Variants in RUVBL2 observed in about 807,000 individuals in gnomAD.
RUVBL2 encodes the protein RuvB like AAA ATPase 2.
Under a neutral mutation model 57.9 loss-of-function variants are expected in RUVBL2, and 9 were observed. The ratio of observed to expected loss-of-function variants is 0.16; its 90% CI spans 0.09 to 0.27. The LOEUF (loss-of-function observed/expected upper bound fraction) is 0.27, where lower values mean the gene tolerates loss of function less well. Among genes scored for constraint, RUVBL2 ranks in the 10% least tolerant of loss-of-function variants. The probability of loss-of-function intolerance (pLI) is 1.00; values close to 1 mark genes in which losing one functional copy is unlikely to be tolerated. For missense variants in RUVBL2, 456 were observed against 669.6 expected, an observed-to-expected ratio of 0.68 and a Z score of 3.52; for synonymous variants, 278 against 264.6, an observed-to-expected ratio of 1.05 and a Z score of -0.49.
intron 14 of RUVBL2, 54 bp from the exon 15 acceptor site, chr19:49,015,763 T>C: frequency 6.2e-7 from 1 of 1,613,254 alleles, no homozygotes; most frequent in Non-Finnish European, 8.5e-7. Context: ...CGTAGAAGGC[T>C]CAGGCCCTGC....
At chr19:49,010,186 A>G in intron 8 of RUVBL2, 120 bp downstream of exon 8, 1 of 967,746 alleles carries the variant, frequency 1.0e-6, no homozygotes, top group Admixed American at 2.0e-5. Flanking sequence ...TTGTCCTGGT[A>G]CTCCTGGGTC....
upstream of RUVBL2, chr19:48,993,741 G>T: frequency 2.5e-6 from 2 of 797,512 alleles, no homozygotes; most frequent in Non-Finnish European, 2.0e-6. Context: ...GTCTTCCAGC[G>T]CAGCCTCGGT....
chr19:49,010,131 C>G (rs894982107), intron 8 of RUVBL2, 65 bp downstream of exon 8: 2 of 1,395,506 alleles, frequency 1.4e-6, no homozygotes, highest in South Asian at 1.2e-5. Context: ...TCCTCCATCA[C>G]CCCCTTGACC....
chr19:49,000,556 CAATA>C (rs200018570), intron 2 of RUVBL2, among the ~76,000 whole-genome samples: 2 of 148,796 alleles, frequency 1.3e-5, no homozygotes, highest in South Asian at 2.1e-4. Context: ...CTCTGTCTCT[CAATA>C]AATAAATAAA....
Position 49,011,022 on chromosome 19 carries a change from G to A in RUVBL2, c.811G>A (p.Glu271Lys), listed in dbSNP as rs1439294261. Residue 271 changes from glutamate to lysine, a missense_variant, in exon 10 of 15, where the codon GAA (glutamate) becomes AAA (lysine). Around this residue, in one of 5 missense-constraint regions of RUVBL2, gnomAD observed 130 missense variants for 243.0 expected, o/e 0.53. Transcript: ENST00000595090. The surrounding 1 kb of genome is among the most constrained non-coding windows in gnomAD (Gnocchi z 4.4). ...AGGTGACACAGGGGAGATCAAGTCAGAAGTCCGTGAGCAGATCAATGCCAA... is the reference window on the plus strand; with the variant it reads ...AGGTGACACAGGGGAGATCAAGTCAAAAGTCCGTGAGCAGATCAATGCCAA... ...FSGDTGEIKS[E>K]VREQINAKVA... 1 of 1,612,642 alleles carries A rather than the reference G, an allele frequency of 6.2e-7. No homozygotes were observed. The highest frequency in any genetic ancestry group is 2.2e-5 in the East Asian group (1 of 44,828).
rs576098024 is a variant in RUVBL2, at chr19:49,000,477, C to T, written c.67+1104C>T. Among the ~76,000 whole-genome samples the T allele has an allele frequency of 5.3e-5, 8 of 152,158 alleles. No individual in the cohort carries two copies. In the East Asian group the frequency reaches 1.2e-3, roughly 22 times the overall value. On this transcript the variant is annotated intron_variant, in intron 2 of 14. Coordinates refer to ENST00000595090, the MANE Select transcript of RUVBL2 (RefSeq NM_006666.3). ...GGCTGAGGCAGGAAAATTGCTTGAACGAGGAGGTGGAGGTTGCAGTGAGCC... is the reference window on the plus strand; with the variant it reads ...GGCTGAGGCAGGAAAATTGCTTGAATGAGGAGGTGGAGGTTGCAGTGAGCC...
chr19:49,006,874 G>A, intron 4 of RUVBL2, 144 bp from the exon 5 acceptor site: 4 of 1,069,788 alleles, frequency 3.7e-6, no homozygotes, highest in Non-Finnish European at 5.3e-6. Flanking sequence ...CCAGCGCTCT[G>A]CTCAGCTCGG....
At chr19:48,997,628 CAA>C (rs34730869) in intron 1 of RUVBL2, among the ~76,000 whole-genome samples, 11,725 of 108,642 alleles carry the variant, frequency 0.11, 464 homozygotes, top group Middle Eastern at 0.18. Context: ...GACTATGTCT[CAA>C]AAAAAAAAAA....
chr19:49,015,995 C>T (rs1252568176), downstream of RUVBL2: 16 of 1,614,170 alleles, frequency 9.9e-6, no homozygotes, highest in African/African-American at 1.3e-5. Flanking sequence ...ATTGAGAAGC[C>T]TTTATTGTGG....
intron 11 of RUVBL2, among the ~76,000 whole-genome samples, chr19:49,013,384 C>CTT (rs141543194): frequency 6.8e-6 from 1 of 147,646 alleles, no homozygotes; most frequent in Non-Finnish European, 1.5e-5. Context: ...TTTTTTGTGC[C>CTT]TTTTTTTTTT....
At chr19:49,010,939 C>T (rs1181231449) in intron 9 of RUVBL2, 60 bp from the exon 10 acceptor site, 8 of 1,442,684 alleles carry the variant, frequency 5.5e-6, no homozygotes, top group Middle Eastern at 1.7e-4. Context: ...CTTAGCCACA[C>T]TCTGGCCCTG....
Position 48,993,935 on chromosome 19 carries a change from T to G in RUVBL2, c.12+12T>G, listed in dbSNP as rs1454280625. 2 of 1,613,310 alleles carry G rather than the reference T, an allele frequency of 1.2e-6. No individual in the cohort carries two copies. Among genetic ancestry groups the G allele is most frequent in the Non-Finnish European group, 1.7e-6 (2 of 1,179,866 alleles). ...TCATGGCAACCGTTGTAAGTGTGGG[T>G]GCATGGAGGGTGAGGAGCGAGCTAG... On this transcript the variant is annotated intron_variant, in intron 1 of 14. Transcript: ENST00000595090.
At chr19:49,003,657 G>A (rs568901598) in intron 3 of RUVBL2, among the ~76,000 whole-genome samples, 2 of 151,864 alleles carry the variant, frequency 1.3e-5, no homozygotes, top group Non-Finnish European at 2.9e-5. Flanking sequence ...GGTGGTGCAT[G>A]CCTGTAATTC....
intron 12 of RUVBL2, 64 bp downstream of exon 12, chr19:49,014,667 G>A (rs147792931): frequency 1.5e-4 from 234 of 1,591,390 alleles, no homozygotes; most frequent in Middle Eastern, 1.3e-3. Context: ...TTTGACAAAT[G>A]CTGACACTGA....
Position 49,010,483 on chromosome 19 carries a change from C to CCAAAAAAA in RUVBL2, c.664-5_664-4insCAAAAAAA. On this transcript the variant is annotated splice_polypyrimidine_tract_variant and splice_region_variant and intron_variant, in intron 8 of 14. Coordinates refer to ENST00000595090, the MANE Select transcript of RUVBL2 (RefSeq NM_006666.3). The stretch of plus-strand genomic sequence containing the variant: ...CGCCGTTCTTCCCCCACCCCCGCCC[C>CCAAAAAAA]ATAGACCAAGTTCGTGCAGTGCCCA... The CCAAAAAAA allele has an allele frequency of 6.3e-7, 1 of 1,576,000 alleles. No homozygotes were observed. The highest frequency in any genetic ancestry group is 8.7e-7 in the Non-Finnish European group (1 of 1,148,126).
At chr19:48,993,561 G>A (rs1284882978), upstream of RUVBL2, 7 of 471,756 alleles carry the variant, frequency 1.5e-5, no homozygotes, top group South Asian at 2.2e-5. Flanking sequence ...GCCTCAAAGT[G>A]GGGAGGAGGA....
At chr19:48,996,769 C>T (rs2039070482) in intron 1 of RUVBL2, among the ~76,000 whole-genome samples, 1 of 150,686 alleles carries the variant, frequency 6.6e-6, no homozygotes, top group African/African-American at 2.4e-5. Context: ...TCAAGTGATC[C>T]ACCTGCCTTG....
chr19:48,995,615 G>A (rs1484805347), intron 1 of RUVBL2, among the ~76,000 whole-genome samples: 1 of 151,914 alleles, frequency 6.6e-6, no homozygotes, highest in East Asian at 1.9e-4. Flanking sequence ...TTGGGAGTCC[G>A]AGGTAGAAGG....
At chr19:48,997,853 C>T (rs1287269132) in intron 1 of RUVBL2, among the ~76,000 whole-genome samples, 4 of 152,068 alleles carry the variant, frequency 2.6e-5, no homozygotes. Context: ...GTGGTGTTTA[C>T]TCACCTCCCT....
Sources: gnomAD v4.1 joint callset for allele counts (sites outside exome capture counted in the v4.1 genomes callset) on GRCh38, gnomAD v4.1.1 for gene constraint, gnomAD v4.1.1 regional missense constraint, Gnocchi (gnomAD v3.1) non-coding constraint, MANE v1.5 for transcripts, NCBI Gene and HGNC (gene_info 2026-07-23, HGNC 2026-07-21) for gene names.